Variants in DRP2 observed in about 807,000 individuals in gnomAD.
DRP2 encodes dystrophin related protein 2, also known as dystrophin-related protein 2.
A neutral mutation model predicts 78.2 loss-of-function variants in DRP2; 29 were observed. That is an observed-to-expected ratio of 0.37 (90% CI 0.28 to 0.51). The LOEUF (loss-of-function observed/expected upper bound fraction) is 0.51. DRP2 is among the 20% of genes least tolerant of loss of function. DRP2 has a pLI of 0.94. For missense variants in DRP2, 686 were observed against 770.6 expected (o/e 0.89, Z 1.30); for synonymous variants, 290 against 281.9 (o/e 1.03, Z -0.29).
At chrX:101,255,823 G>C (rs1298953869) in intron 20 of DRP2, among the ~76,000 whole-genome samples, 1 of 97,221 alleles carries the variant, frequency 1.0e-5, no homozygotes, top group East Asian at 3.8e-4. Context: ...GGTAGAGTAG[G>C]GGAACAGCAC....
chrX:101,239,369 A>G (rs1477518852), intron 6 of DRP2, among the ~76,000 whole-genome samples: 1 of 111,699 alleles, frequency 9.0e-6, no homozygotes, highest in African/African-American at 3.3e-5. Context: ...CCATTTAATG[A>G]GATGTGGAAA....
chrX:101,258,119 A>G (rs1298045199), intron 21 of DRP2, among the ~76,000 whole-genome samples, 190 bp from the exon 22 acceptor site: 1 of 98,679 alleles, frequency 1.0e-5, no homozygotes, highest in African/African-American at 3.7e-5. Flanking sequence ...AGTAAATGAC[A>G]TATGTGCTGG....
intron 1 of DRP2, among the ~76,000 whole-genome samples, chrX:101,220,865 C>T (rs943902307): frequency 1.8e-5 from 2 of 111,717 alleles, no homozygotes; most frequent in Non-Finnish European, 3.8e-5. Context: ...AGGCATCTTT[C>T]CACTCTTGAA....
chrX:101,229,575 G>T (rs1411238650), intron 2 of DRP2, among the ~76,000 whole-genome samples: 3 of 111,263 alleles, frequency 2.7e-5, no homozygotes, highest in Non-Finnish European at 5.7e-5. Context: ...TATTGTGGGT[G>T]AGAGTGGGTG....
chrX:101,236,193 C>G (rs183728752), intron 4 of DRP2, among the ~76,000 whole-genome samples, 170 bp downstream of exon 4: 6 of 111,537 alleles, frequency 5.4e-5, no homozygotes, highest in Non-Finnish European at 9.4e-5. Context: ...AGTCAGGAGA[C>G]TTGGATCTGA....
At chrX:101,234,169 T>G (rs1922403264) in intron 3 of DRP2, among the ~76,000 whole-genome samples, 1 of 112,775 alleles carries the variant, frequency 8.9e-6, no homozygotes, top group Admixed American at 9.3e-5. Flanking sequence ...TCTTATGTCT[T>G]AGGGAAATTG....
chrX:101,263,100 AT>A lies in DRP2; in HGVS notation c.*2483del, dbSNP rs1428815461. On this transcript the variant is annotated 3_prime_UTR_variant, in exon 24 of 24. Transcript: ENST00000395209. ...GAATTCTCACTAAGGGGTCACTGAC[AT>A]TTTGTGGTCCTGTGTTTACCTTAAT... The A allele has an allele frequency of 1.8e-5, 2 of 111,457 alleles. No homozygotes were observed. The highest frequency in any genetic ancestry group is 9.5e-5 in the Admixed American group (1 of 10,504). The allele number at this position is 111,457 out of a possible 1,213,427, so 9.2% of individuals were successfully genotyped here. A position where few individuals can be genotyped will look rare whatever the true frequency, so the allele number is the denominator to read the frequency against.
chrX:101,257,642 A>G (rs1240582682), intron 21 of DRP2, among the ~76,000 whole-genome samples: 1 of 108,071 alleles, frequency 9.3e-6, no homozygotes, highest in Non-Finnish European at 1.9e-5. Flanking sequence ...TCCACAACAG[A>G]GTGAAAAAAA....
intron 3 of DRP2, among the ~76,000 whole-genome samples, chrX:101,233,244 C>G (rs1425478427): frequency 8.9e-6 from 1 of 112,056 alleles, no homozygotes; most frequent in Non-Finnish European, 1.9e-5. Flanking sequence ...TAGAGCCCAG[C>G]TCATCGTGGG....
chrX:101,255,205 A>T lies in DRP2; in HGVS notation c.2202A>T (p.Gln734His). ...FASRLAEMES[Q>H]NCSFFNDSLS... Reference sequence around the variant, plus strand: ...CTAGGCTTGCTGAGATGGAAAGTCAAAATTGCTCCTTCTTTAATGACAGCT... The same window carrying T: ...CTAGGCTTGCTGAGATGGAAAGTCATAATTGCTCCTTCTTTAATGACAGCT... Residue 734 changes from glutamine (Q) to histidine (H), a missense_variant, in exon 20 of 24, where the codon CAA becomes CAT. Physicochemically the swap from Gln to His is conservative, Grantham distance 24. Transcript: ENST00000395209. 8.3e-7 allele frequency: 1 copy of T among 1,211,377 alleles called. No individual in the cohort carries two copies. Among genetic ancestry groups the T allele is most frequent in the Non-Finnish European group, 1.1e-6 (1 of 895,340 alleles).
chrX:101,251,567 A>G (rs1305803033), intron 16 of DRP2: 1 of 112,438 alleles, frequency 8.9e-6, no homozygotes, highest in Non-Finnish European at 1.9e-5. Flanking sequence ...AATAGATGTT[A>G]AGTAACCTCA....
intron 4 of DRP2, among the ~76,000 whole-genome samples, chrX:101,236,884 G>A (rs984987163): frequency 9.3e-6 from 1 of 107,976 alleles, no homozygotes; most frequent in African/African-American, 3.6e-5. Context: ...GTGGTGGTGA[G>A]GGGGGGGCAA....
rs1477332432 is a variant in DRP2, at chrX:101,261,032, G to A, written c.*411G>A. 8.3e-6 allele frequency: 1 copy of A among 119,951 alleles called. No individual in the cohort carries two copies. Among genetic ancestry groups the A allele is most frequent in the African/African-American group, 3.2e-5 (1 of 30,914 alleles). 9.9% of individuals were successfully genotyped at this position (119,951 alleles called of 1,213,427 possible). A position where few individuals can be genotyped will look rare whatever the true frequency, so the allele number is the denominator to read the frequency against. ...CCTAATTACCCCAAGGTTCCATCCA[G>A]CATTATGAATCCACAGGGTTTACCC... On this transcript the variant is annotated 3_prime_UTR_variant, in exon 24 of 24. Transcript: ENST00000395209.
intron 11 of DRP2, 122 bp from the exon 12 acceptor site, chrX:101,246,968 G>T (rs907966817): frequency 1.9e-6 from 1 of 529,830 alleles, no homozygotes. Flanking sequence ...CCCCACTCTT[G>T]TTGACACTTG....
chrX:101,257,257 G>T (rs1923372143), intron 21 of DRP2, among the ~76,000 whole-genome samples: 1 of 108,431 alleles, frequency 9.2e-6, no homozygotes, highest in Non-Finnish European at 1.9e-5. Context: ...CTAAGTCACA[G>T]GTCTGGGTGG....
chrX:101,224,208 T>TTTTTTTTTTTTTG (rs1922023154), intron 1 of DRP2, among the ~76,000 whole-genome samples: 2 of 72,402 alleles, frequency 2.8e-5, no homozygotes, highest in South Asian at 8.9e-4. Context: ...TTTTTTTTTT[T>TTTTTTTTTTTTTG]TTTTTTTTTT....
At chrX:101,234,475 C>T (rs1489662584) in intron 3 of DRP2, among the ~76,000 whole-genome samples, 4 of 112,937 alleles carry the variant, frequency 3.5e-5, no homozygotes, top group Non-Finnish European at 7.5e-5. Flanking sequence ...CATAGCCGCC[C>T]CCTCCAGATT....
intron 1 of DRP2, among the ~76,000 whole-genome samples, chrX:101,223,827 G>A (rs1010367503): frequency 2.4e-4 from 27 of 111,824 alleles, no homozygotes; most frequent in Non-Finnish European, 4.5e-4. Context: ...TGATCTCAAA[G>A]GTCCTTTCTA....
In DRP2 at chrX:101,237,632, G is replaced by T. The variant is rs140021383; in HGVS notation, c.295G>T (p.Ala99Ser). The T allele has an allele frequency of 1.2e-5, 14 of 1,128,989 alleles. No individual in the cohort carries two copies. The highest frequency in any genetic ancestry group is 3.6e-5 in the African/African-American group (2 of 55,846). 93.0% of individuals were successfully genotyped at this position (1,128,989 alleles called of 1,213,427 possible). The change falls in exon 5 of 24, where the codon GCC becomes TCC. Residue 99 changes from alanine to serine, a missense_variant. Physicochemically the swap from Ala to Ser is moderately conservative, Grantham distance 99. Transcript: ENST00000395209. Reference protein sequence around the residue: ...KSHNLRARLEAFSDHSGKLQL... With the variant: ...KSHNLRARLESFSDHSGKLQL... ...CATTGTGTGCAGCGCTCGCCTAGAGGCCTTCTCAGACCACAGTGGAAAGCT... is the reference window on the plus strand; with the variant it reads ...CATTGTGTGCAGCGCTCGCCTAGAGTCCTTCTCAGACCACAGTGGAAAGCT...
Sources: allele counts gnomAD v4.1 joint callset (sites outside exome capture counted in the v4.1 genomes callset), GRCh38; gene constraint gnomAD v4.1.1; transcripts MANE v1.5; gene names NCBI Gene and HGNC (gene_info 2026-07-23, HGNC 2026-07-21).